The following CMIP variants were observed in gnomAD, a reference collection of about 807,000 sequenced individuals.
The protein encoded by CMIP is c-Maf inducing protein, also known as C-Maf-inducing protein.
Under a neutral mutation model 97.3 loss-of-function variants are expected in CMIP, and 13 were observed. The ratio of observed to expected loss-of-function variants is 0.13; its 90% CI spans 0.09 to 0.21. The LOEUF (loss-of-function observed/expected upper bound fraction) is 0.21, where lower values mean the gene tolerates loss of function less well. Ranked by LOEUF, CMIP falls within the 10% of genes least tolerant of loss-of-function variation. The pLI is 1.00. For synonymous variants in CMIP, 538 were observed against 436.3 expected (o/e 1.23, Z -2.91); for missense variants, 847 against 1,024.9 (o/e 0.83, Z 2.37).
At chr16:81,563,619 C>T (rs939524031) in intron 1 of CMIP, among the ~76,000 whole-genome samples, 4 of 152,236 alleles carry the variant, frequency 2.6e-5, no homozygotes, top group South Asian at 4.1e-4. Flanking sequence ...CAAGGTGGTT[C>T]GGGTTCCATA....
chr16:81,622,568 A>G (rs1415533274), intron 3 of CMIP, among the ~76,000 whole-genome samples: 4 of 152,136 alleles, frequency 2.6e-5, no homozygotes, highest in Admixed American at 1.3e-4. Context: ...GGCCTCAGAA[A>G]GTGACAGCCT....
chr16:81,638,848 T>A lies in CMIP; in HGVS notation c.478-13355T>A, dbSNP rs952009307. Among the ~76,000 whole-genome samples, 7 of 151,504 alleles carry A rather than the reference T, an allele frequency of 4.6e-5. No homozygotes were observed. In the East Asian group the frequency reaches 1.4e-3, roughly 30 times the overall value. ...GGAGGGGCGGGCAGGCTGTGTTGAG[T>A]TTTAGAATTCTGAAAGAGGGGCGCC... On this transcript the variant is annotated intron_variant, in intron 3 of 20. Transcript: ENST00000537098.
intron 1 of CMIP, among the ~76,000 whole-genome samples, chr16:81,513,826 G>A (rs2089859097): frequency 6.6e-6 from 1 of 152,186 alleles, no homozygotes; most frequent in African/African-American, 2.4e-5. Context: ...GGATCCTCTG[G>A]GCTGGCTTTC....
At chr16:81,478,454 G>T (rs1469018131) in intron 1 of CMIP, among the ~76,000 whole-genome samples, 2 of 152,188 alleles carry the variant, frequency 1.3e-5, no homozygotes, top group Non-Finnish European at 1.5e-5. Flanking sequence ...GAAAGCAGGT[G>T]TGCAAGCAAA....
At chr16:81,656,881 C>G (rs981030143) in intron 4 of CMIP, among the ~76,000 whole-genome samples, 1 of 152,146 alleles carries the variant, frequency 6.6e-6, no homozygotes, top group Non-Finnish European at 1.5e-5. Flanking sequence ...CTCAGCCTCC[C>G]AAAGTGCTGG....
At chr16:81,490,711 C>T (rs753671706) in intron 1 of CMIP, among the ~76,000 whole-genome samples, 97 of 152,138 alleles carry the variant, frequency 6.4e-4, no homozygotes, top group Non-Finnish European at 1.2e-3. Flanking sequence ...GTGTTTGTGG[C>T]GTGGCCAGTC....
intron 1 of CMIP, among the ~76,000 whole-genome samples, chr16:81,577,848 C>A (rs2091224474): frequency 6.8e-6 from 1 of 146,942 alleles, no homozygotes; most frequent in Non-Finnish European, 1.5e-5. Context: ...GTCACCATCA[C>A]CATCATCACC....
Position 81,655,083 on chromosome 16 carries a change from G to A in CMIP, c.640-2692G>A, listed in dbSNP as rs2092468056. ...GCTTGGCACTGTGCCTAACTTGCAA[G>A]GGCCTTTGATACATGGCCACATTTT... is the stretch of plus-strand genomic sequence containing the variant. On this transcript the variant is annotated intron_variant, in intron 4 of 20. Transcript: ENST00000537098. The surrounding 1 kb of genome is among the most constrained non-coding windows in gnomAD (Gnocchi z 4.9). Among the ~76,000 whole-genome samples, 1 of 152,198 alleles carries A rather than the reference G, an allele frequency of 6.6e-6. No individual in the cohort carries two copies. The highest frequency in any genetic ancestry group is 1.5e-5 in the Non-Finnish European group (1 of 68,034).
At chr16:81,562,428 A>G (rs931525999) in intron 1 of CMIP, among the ~76,000 whole-genome samples, 32 of 152,322 alleles carry the variant, frequency 2.1e-4, no homozygotes, top group Non-Finnish European at 5.9e-5. Context: ...AAGGTGCTGG[A>G]CCCTTCTGCC....
intron 1 of CMIP, among the ~76,000 whole-genome samples, chr16:81,563,379 GC>G (rs1448820070): frequency 6.6e-6 from 1 of 152,204 alleles, no homozygotes; most frequent in Admixed American, 6.5e-5. Context: ...CACAAACTCT[GC>G]GCGCTGCTGC....
At chr16:81,488,328 G>A (rs1001002158) in intron 1 of CMIP, among the ~76,000 whole-genome samples, 1 of 152,142 alleles carries the variant, frequency 6.6e-6, no homozygotes, top group Non-Finnish European at 1.5e-5. Flanking sequence ...TGGGTCACCC[G>A]CTGAGAGTCC....
intron 1 of CMIP, among the ~76,000 whole-genome samples, chr16:81,591,400 G>A (rs1343940869): frequency 6.6e-6 from 1 of 152,210 alleles, no homozygotes; most frequent in African/African-American, 2.4e-5. Context: ...GAAGGTACTG[G>A]GGTTGAGGCG....
At chr16:81,645,475 C>T (rs553579498) in intron 3 of CMIP, 13 of 1,532,534 alleles carry the variant, frequency 8.5e-6, no homozygotes, top group Non-Finnish European at 1.0e-5. Context: ...GCAAGGGGCA[C>T]ATTCCTGCTG....
intron 3 of CMIP, chr16:81,651,315 G>C: frequency 2.1e-6 from 1 of 469,366 alleles, no homozygotes; most frequent in Non-Finnish European, 2.8e-6. Context: ...CGCCTTCCGA[G>C]GGCCTCCGTT....
intron 9 of CMIP, among the ~76,000 whole-genome samples, chr16:81,677,990 G>A (rs929099509): frequency 2.6e-5 from 4 of 152,184 alleles, no homozygotes; most frequent in African/African-American, 9.7e-5. Flanking sequence ...CCACTCAGTC[G>A]GTCAGCAAAT....
rs1194479235 is a variant in CMIP, at chr16:81,664,263, C to T, written c.745-6C>T. 6 of 1,595,524 alleles carry T rather than the reference C, an allele frequency of 3.8e-6. No homozygotes were observed. Among genetic ancestry groups the T allele is most frequent in the Non-Finnish European group, 3.4e-6 (4 of 1,171,618 alleles). On this transcript the variant is annotated splice_polypyrimidine_tract_variant and splice_region_variant and intron_variant, in intron 6 of 20. Transcript: ENST00000537098. ...CCGCAGTAACTGTACCCCACTCTGT[C>T]CCCAGCACTGCAGAGAGCGGCCCCG... is the stretch of plus-strand genomic sequence containing the variant.
intron 1 of CMIP, among the ~76,000 whole-genome samples, chr16:81,530,753 C>G (rs762960993): frequency 1.3e-5 from 2 of 152,188 alleles, no homozygotes; most frequent in Non-Finnish European, 2.9e-5. Flanking sequence ...CGAGCCTCCT[C>G]CAGATCCATC....
chr16:81,607,784 C>G, intron 2 of CMIP, 92 bp downstream of exon 2: 8 of 1,376,784 alleles, frequency 5.8e-6, no homozygotes, highest in Non-Finnish European at 8.0e-6. Flanking sequence ...CAGCAGCTAT[C>G]AAGAGGAAAG....
chr16:81,638,921 C>T (rs377069964), intron 3 of CMIP, among the ~76,000 whole-genome samples: 8 of 152,152 alleles, frequency 5.3e-5, no homozygotes, highest in Non-Finnish European at 1.0e-4. Context: ...ACCCCACACC[C>T]GGCCCACCCG....
Sources: allele counts gnomAD v4.1 joint callset (sites outside exome capture counted in the v4.1 genomes callset), GRCh38; gene constraint gnomAD v4.1.1; non-coding constraint Gnocchi (gnomAD v3.1); transcripts MANE v1.5; gene names NCBI Gene and HGNC (gene_info 2026-07-23, HGNC 2026-07-21).